GTPBP4: variants seen among roughly 807,000 people sequenced by gnomAD.
GTPBP4 encodes GTP binding protein 4, also known as GTP-binding protein 4.
A neutral mutation model predicts 81.7 loss-of-function variants in GTPBP4; 15 were observed. That is an observed-to-expected ratio of 0.18 (90% CI 0.12 to 0.28). The LOEUF (loss-of-function observed/expected upper bound fraction) is 0.28, where lower values mean the gene tolerates loss of function less well. GTPBP4 is among the 10% of genes least tolerant of loss of function. The pLI is 1.00. For missense variants in GTPBP4, 847 were observed against 793.8 expected, an observed-to-expected ratio of 1.07 and a Z score of -0.81; for synonymous variants, 272 against 274.6, an observed-to-expected ratio of 0.99 and a Z score of 0.09.
At chr10:1,007,263 T>A (rs1831759149) in intron 10 of GTPBP4, 135 bp downstream of exon 10, 2 of 608,844 alleles carry the variant, frequency 3.3e-6, no homozygotes, top group Non-Finnish European at 5.9e-6. Flanking sequence ...AGTTTCACCT[T>A]CTTGCTTACA....
intron 6 of GTPBP4, 43 bp from the exon 7 acceptor site, chr10:1,000,634 T>A: frequency 8.1e-7 from 1 of 1,233,156 alleles, no homozygotes; most frequent in Non-Finnish European, 1.1e-6. Flanking sequence ...ACAAGAAGCT[T>A]GTGGGTGAGT....
Position 992,595 on chromosome 10 carries a change from A to C in GTPBP4, c.155A>C (p.Lys52Thr). The change falls in exon 2 of 17, where the codon AAA (lysine) becomes ACA (threonine). Residue 52 changes from lysine (K) to threonine (T), a missense_variant. Lys to Thr is a moderately conservative substitution (Grantham distance 78). Around this residue, in one of 3 missense-constraint regions of GTPBP4, gnomAD observed 241 missense variants for 216.3 expected, o/e 1.11. Transcript: ENST00000360803. ...RIRHFYMRKV[K>T]FTQQNYHDRL... The stretch of plus-strand genomic sequence containing the variant: ...AGACATTTTTACATGAGAAAAGTCA[A>C]ATTTACTCAACAGAATTACCATGAT... The C allele has an allele frequency of 6.2e-7, 1 of 1,604,972 alleles. No individual in the cohort carries two copies. The highest frequency in any genetic ancestry group is 8.5e-7 in the Non-Finnish European group (1 of 1,172,132).
chr10:1,012,985 CTCTT>C (rs1831908236), intron 14 of GTPBP4, among the ~76,000 whole-genome samples: 1 of 152,080 alleles, frequency 6.6e-6, no homozygotes, highest in Non-Finnish European at 1.5e-5. Context: ...TTTTCTCTCT[CTCTT>C]TTTTTTAGGG....
At chr10:989,669 C>T (rs567907099) in intron 1 of GTPBP4, among the ~76,000 whole-genome samples, 16 of 152,298 alleles carry the variant, frequency 1.1e-4, no homozygotes, top group Non-Finnish European at 2.4e-4. Context: ...AAAGTTGTTT[C>T]CCCACTTCTC....
Position 988,457 on chromosome 10 carries a change from C to T in GTPBP4, c.-23C>T. The T allele has an allele frequency of 8.7e-6, 14 of 1,609,942 alleles. No homozygotes were observed. Among genetic ancestry groups the T allele is most frequent in the Non-Finnish European group, 1.2e-5 (14 of 1,176,610 alleles). On this transcript the variant is annotated 5_prime_UTR_variant, in exon 1 of 17. Coordinates refer to ENST00000360803, the MANE Select transcript of GTPBP4 (RefSeq NM_012341.3). The stretch of plus-strand genomic sequence containing the variant: ...GCGGAAGTTCCGGGAGTGCCAAGTA[C>T]CCGCGTGCATACGGCTGCCGGCATG...
chr10:993,879 C>G (rs1316413136), intron 2 of GTPBP4, among the ~76,000 whole-genome samples: 1 of 151,990 alleles, frequency 6.6e-6, no homozygotes, highest in Admixed American at 6.5e-5. Flanking sequence ...CCTGCCTCAG[C>G]CTCCCAAGTA....
Position 988,489 on chromosome 10 carries a change from T to C in GTPBP4, c.10T>C (p.Tyr4His), listed in dbSNP as rs1831380434. The C allele has an allele frequency of 6.2e-7, 1 of 1,613,248 alleles. No individual in the cohort carries two copies. The highest frequency in any genetic ancestry group is 1.7e-5 in the Admixed American group (1 of 59,984). ...GCATACGGCTGCCGGCATGGCACAT[T>C]ACAACTTCAAGAAAATTACGGTGGT... MAH[Y>H]NFKKITVVPS... Residue 4 changes from tyrosine (Y) to histidine (H), a missense_variant, in exon 1 of 17, where the codon TAC becomes CAC. Coordinates refer to ENST00000360803, the MANE Select transcript of GTPBP4 (RefSeq NM_012341.3).
At chr10:990,053 G>A (rs1831415352) in intron 1 of GTPBP4, among the ~76,000 whole-genome samples, 1 of 152,132 alleles carries the variant, frequency 6.6e-6, no homozygotes, top group African/African-American at 2.4e-5. Flanking sequence ...TAGTATTTTC[G>A]AGTGCAGGAG....
chr10:1,010,498 A>G lies in GTPBP4; in HGVS notation c.1322A>G (p.Tyr441Cys), dbSNP rs1159981835. 1.9e-6 allele frequency: 3 copies of G among 1,547,376 alleles called. No individual in the cohort carries two copies. Among genetic ancestry groups the G allele is most frequent in the Non-Finnish European group, 2.7e-6 (3 of 1,119,228 alleles). ...EIWEGHNIADYIDPAIMKKLE... is the reference protein window; with the variant it reads ...EIWEGHNIADCIDPAIMKKLE... ...TGGGAAGGCCATAATATAGCTGATT[A>G]TATTGATCCAGCCATCATGAAGGTT... The change falls in exon 13 of 17, where the codon TAT becomes TGT. Residue 441 changes from tyrosine (Y) to cysteine (C), a missense_variant. By Grantham distance (194) the Tyr-to-Cys change is radical (BLOSUM62 -2). Coordinates refer to ENST00000360803, the MANE Select transcript of GTPBP4 (RefSeq NM_012341.3).
intron 8 of GTPBP4, among the ~76,000 whole-genome samples, chr10:1,004,209 C>G (rs575670673): frequency 6.6e-6 from 1 of 152,092 alleles, no homozygotes. Context: ...CCAGCAGTAT[C>G]CCAGACTCTC....
At position 1,019,485 on chromosome 10, in the gene GTPBP4, A is replaced by G. The variant is rs760312067; in HGVS notation, c.*2258A>G. ...TGGTGCGTCTGCCTGCACTGAGGGC[A>G]TTACACATGGCTGACTCGACCTCCC... On this transcript the variant is annotated 3_prime_UTR_variant, in exon 17 of 17. Transcript: ENST00000360803. 28 of 1,572,978 alleles carry G rather than the reference A, an allele frequency of 1.8e-5. No homozygotes were observed. In the East Asian group the frequency reaches 6.4e-4, roughly 36 times the overall value.
intron 4 of GTPBP4, 40 bp downstream of exon 4, chr10:996,282 G>C (rs878939031): frequency 1.9e-6 from 3 of 1,562,860 alleles, no homozygotes; most frequent in Non-Finnish European, 1.7e-6. Context: ...CTAGCATCCT[G>C]CTGAGAGGAT....
intron 16 of GTPBP4, among the ~76,000 whole-genome samples, chr10:1,016,794 C>G (rs1228847101): frequency 6.6e-6 from 1 of 151,926 alleles, no homozygotes; most frequent in Admixed American, 6.6e-5. Flanking sequence ...AGAGATGTAA[C>G]AGGGATAACT....
intron 1 of GTPBP4, among the ~76,000 whole-genome samples, chr10:990,033 A>G (rs995032443): frequency 1.8e-4 from 28 of 152,190 alleles, no homozygotes; most frequent in Admixed American, 7.9e-4. Flanking sequence ...TACTGTGCCC[A>G]GCCAGATTGT....
intron 3 of GTPBP4, 29 bp from the exon 4 acceptor site, chr10:996,077 G>GAAA (rs752044549): frequency 1.0e-4 from 144 of 1,419,166 alleles, no homozygotes; most frequent in Admixed American, 5.3e-4. Context: ...ATCGAAAGTG[G>GAAA]AAAAAATAAT....
rs1362630127 is a variant in GTPBP4, at chr10:1,015,150, C to T, written c.1609-603C>T. Among the ~76,000 whole-genome samples the T allele has an allele frequency of 2.0e-5, 3 of 152,350 alleles. No homozygotes were observed. The East Asian group carries it at 5.8e-4, about 29-fold the overall frequency. On this transcript the variant is annotated intron_variant, in intron 15 of 16. Coordinates refer to ENST00000360803, the MANE Select transcript of GTPBP4 (RefSeq NM_012341.3). ...TTTCTTTAAGTGGAGTTAAAATCAGCTTTCTTACGTAAAGCAGCTTCCGTT... is the reference window on the plus strand; with the variant it reads ...TTTCTTTAAGTGGAGTTAAAATCAGTTTTCTTACGTAAAGCAGCTTCCGTT...
At position 988,501 on chromosome 10, in the gene GTPBP4, A is replaced by C; in HGVS notation, c.22A>C (p.Lys8Gln). The C allele has an allele frequency of 6.2e-7, 1 of 1,613,266 alleles. No homozygotes were observed. Among genetic ancestry groups the C allele is most frequent in the Non-Finnish European group, 8.5e-7 (1 of 1,179,700 alleles). MAHYNFK[K>Q]ITVVPSAKDF... is the part of the protein sequence containing the mutation. Reference sequence around the variant, plus strand: ...CGGCATGGCACATTACAACTTCAAGAAAATTACGGTGGTGCCGTCCGCCAA... The same window carrying C: ...CGGCATGGCACATTACAACTTCAAGCAAATTACGGTGGTGCCGTCCGCCAA... Residue 8 changes from lysine (K) to glutamine (Q), a missense_variant, in exon 1 of 17, where the codon AAA becomes CAA. Around this residue, in one of 3 missense-constraint regions of GTPBP4, gnomAD observed 241 missense variants for 216.3 expected, o/e 1.11. Coordinates refer to ENST00000360803, the MANE Select transcript of GTPBP4 (RefSeq NM_012341.3).
chr10:994,448 T>A (rs1047495323), intron 2 of GTPBP4, among the ~76,000 whole-genome samples: 1 of 152,012 alleles, frequency 6.6e-6, no homozygotes, highest in Non-Finnish European at 1.5e-5. Context: ...TTTGTGTTTT[T>A]TTAGTAGAGA....
chr10:1,005,430 C>T (rs1827150948), intron 8 of GTPBP4, among the ~76,000 whole-genome samples: 1 of 152,216 alleles, frequency 6.6e-6, no homozygotes, highest in African/African-American at 2.4e-5. Context: ...AGGCATGAGC[C>T]ACCGCGCCTG....
Sources: gnomAD v4.1 joint callset for allele counts (sites outside exome capture counted in the v4.1 genomes callset) on GRCh38, gnomAD v4.1.1 for gene constraint, gnomAD v4.1.1 regional missense constraint, MANE v1.5 for transcripts, NCBI Gene and HGNC (gene_info 2026-07-23, HGNC 2026-07-21) for gene names.